Variants in BBS9 observed in about 807,000 individuals in gnomAD.
BBS9 encodes Bardet-Biedl syndrome 9.
BBS9 carries 89 observed loss-of-function variants against 117.7 expected under a neutral mutation model. That is an observed-to-expected ratio of 0.76 (90% CI 0.64 to 0.90). The LOEUF is 0.90. Ranked by LOEUF, BBS9 falls within the 40% of genes least tolerant of loss-of-function variation. BBS9 has a pLI of 0.00. For missense variants in BBS9, 982 were observed against 1,042.2 expected (o/e 0.94, Z 0.80); for synonymous variants, 379 against 370.9 (o/e 1.02, Z -0.25).
intron 9 of BBS9, among the ~76,000 whole-genome samples, chr7:33,289,710 G>A (rs944424828): frequency 1.3e-5 from 2 of 151,878 alleles, no homozygotes; most frequent in Non-Finnish European, 2.9e-5. Flanking sequence ...AAATTTTCTT[G>A]TAAATGGGTA....
intron 9 of BBS9, among the ~76,000 whole-genome samples, chr7:33,287,554 T>C (rs1441439774): frequency 6.6e-6 from 1 of 152,226 alleles, no homozygotes; most frequent in Non-Finnish European, 1.5e-5. Context: ...GGTTATCTGA[T>C]CAACAGAACC....
intron 19 of BBS9, among the ~76,000 whole-genome samples, chr7:33,403,400 G>A (rs1225684427): frequency 6.7e-6 from 1 of 149,564 alleles, no homozygotes; most frequent in Non-Finnish European, 1.5e-5. Flanking sequence ...GTGCCATGCT[G>A]GTGTGCTGCA....
intron 21 of BBS9, among the ~76,000 whole-genome samples, chr7:33,577,943 C>T (rs1302768273): frequency 2.0e-5 from 3 of 152,038 alleles, no homozygotes; most frequent in East Asian, 1.9e-4. Context: ...AGGAGAAATA[C>T]CTAATGTAAA....
intron 20 of BBS9, among the ~76,000 whole-genome samples, chr7:33,528,882 C>T (rs750215290): frequency 8.5e-5 from 13 of 152,202 alleles, no homozygotes; most frequent in East Asian, 1.9e-4. Context: ...TTACTTTGGT[C>T]GATACCCTAG....
intron 5 of BBS9, among the ~76,000 whole-genome samples, chr7:33,221,859 TAAA>T (rs1158111927): frequency 6.6e-6 from 1 of 152,040 alleles, no homozygotes; most frequent in African/African-American, 2.4e-5. Context: ...ATGAAATACT[TAAA>T]AAATCATATA....
chr7:33,274,994 C>CAAA (rs763041758), intron 9 of BBS9, among the ~76,000 whole-genome samples: 80 of 58,250 alleles, frequency 1.4e-3, no homozygotes, highest in East Asian at 2.3e-3. Flanking sequence ...GACTGTGTCT[C>CAAA]AAAAAAAAAA....
intron 9 of BBS9, among the ~76,000 whole-genome samples, chr7:33,307,378 A>C (rs1019276305): frequency 1.3e-5 from 2 of 152,188 alleles, no homozygotes; most frequent in African/African-American, 4.8e-5. Context: ...GTTATTATTG[A>C]TGGTTTATCA....
rs899223471 is a variant in BBS9, at chr7:33,441,405, T to A, written c.2115+53261T>A. ...ACTGAGGCGAGACGCTAGATTGATT[T>A]GCAAAAAATATTTAATATTCATTTT... On this transcript the variant is annotated intron_variant, in intron 19 of 22. Transcript: ENST00000242067. 5.3e-5 allele frequency among the ~76,000 whole-genome samples: 8 copies of A among 152,220 alleles called. No homozygotes were observed. The East Asian group carries it at 1.5e-3, about 29-fold the overall frequency.
intron 5 of BBS9, among the ~76,000 whole-genome samples, chr7:33,209,694 G>A (rs1787648647): frequency 1.3e-5 from 2 of 152,128 alleles, no homozygotes; most frequent in South Asian, 2.1e-4. Flanking sequence ...GTTGCTCATA[G>A]TACCTCCTAA....
At chr7:33,619,310 G>A (rs925466044) in intron 21 of BBS9, among the ~76,000 whole-genome samples, 3 of 152,072 alleles carry the variant, frequency 2.0e-5, no homozygotes, top group Non-Finnish European at 4.4e-5. Flanking sequence ...AAGGTATAAC[G>A]ATTGTAAATA....
At chr7:33,170,007 G>A (rs896393495) in intron 4 of BBS9, among the ~76,000 whole-genome samples, 10 of 152,122 alleles carry the variant, frequency 6.6e-5, no homozygotes, top group South Asian at 2.1e-4. Flanking sequence ...AATCACAGCC[G>A]AATTCTACCA....
At chr7:33,398,005 T>C (rs953762967) in intron 19 of BBS9, among the ~76,000 whole-genome samples, 1 of 151,916 alleles carries the variant, frequency 6.6e-6, no homozygotes, top group African/African-American at 2.4e-5. Flanking sequence ...AAAATAAAAA[T>C]TAAAAAAATT....
intron 21 of BBS9, among the ~76,000 whole-genome samples, chr7:33,618,891 A>G (rs1332595372): frequency 6.6e-6 from 1 of 152,140 alleles, no homozygotes; most frequent in Non-Finnish European, 1.5e-5. Flanking sequence ...AGAAAGAGAA[A>G]GAAAGCTTAC....
chr7:33,451,055 A>AT lies in BBS9; in HGVS notation c.2116-54402dup, dbSNP rs1476972207. Among the ~76,000 whole-genome samples the AT allele has an allele frequency of 1.2e-4, 18 of 151,562 alleles. No individual in the cohort carries two copies. The East Asian group carries it at 3.3e-3, about 28-fold the overall frequency. Reference sequence around the variant, plus strand: ...AGGCGCCCGCCACCATGCCCGGCTAATTTTTTGTATTTTTAGTAGAGACGG... The same window carrying AT: ...AGGCGCCCGCCACCATGCCCGGCTAATTTTTTTGTATTTTTAGTAGAGACGG... On this transcript the variant is annotated intron_variant, in intron 19 of 22. Coordinates refer to ENST00000242067, the MANE Select transcript of BBS9 (RefSeq NM_198428.3).
intron 19 of BBS9, among the ~76,000 whole-genome samples, chr7:33,432,372 G>A (rs945953385): frequency 4.0e-5 from 6 of 151,500 alleles, no homozygotes; most frequent in African/African-American, 1.5e-4. Flanking sequence ...GCCTCCCAAA[G>A]TGCTGGGATT....
chr7:33,364,948 C>G (rs533875009), intron 16 of BBS9, among the ~76,000 whole-genome samples: 2 of 151,834 alleles, frequency 1.3e-5, no homozygotes, highest in Non-Finnish European at 2.9e-5. Flanking sequence ...AGGCTGATCT[C>G]GAACTGCTGA....
chr7:33,633,267 A>G (rs966495081), intron 21 of BBS9, among the ~76,000 whole-genome samples: 1 of 151,972 alleles, frequency 6.6e-6, no homozygotes, highest in Non-Finnish European at 1.5e-5. Context: ...ATAGTTCTAT[A>G]TAGTTTGCTT....
At chr7:33,396,481 T>C (rs955597250) in intron 19 of BBS9, among the ~76,000 whole-genome samples, 1 of 152,162 alleles carries the variant, frequency 6.6e-6, no homozygotes, top group Non-Finnish European at 1.5e-5. Flanking sequence ...TGTATGTTTA[T>C]TTTAGATGAC....
Position 33,380,315 on chromosome 7 carries a change from C to T in BBS9, c.1790-3351C>T, listed in dbSNP as rs558525229. ...CTAAGGGTGGGCCCTGCAAGGCCCA[C>T]TGCCAACCTAAGAGCACCAGCAGTG... On this transcript the variant is annotated intron_variant, in intron 17 of 22. Coordinates refer to ENST00000242067, the MANE Select transcript of BBS9 (RefSeq NM_198428.3). 252 of 163,340 alleles carry T rather than the reference C, an allele frequency of 1.5e-3. 6 individuals carry two copies. The South Asian group carries it at 0.042, about 27-fold the overall frequency. The allele number at this position is 163,340 out of a possible 1,614,324, so 10.1% of individuals were successfully genotyped here. A position where few individuals can be genotyped will look rare whatever the true frequency, so the allele number is the denominator to read the frequency against.
Sources: gnomAD v4.1 joint callset for allele counts (sites outside exome capture counted in the v4.1 genomes callset) on GRCh38, gnomAD v4.1.1 for gene constraint, MANE v1.5 for transcripts, NCBI Gene and HGNC (gene_info 2026-07-23, HGNC 2026-07-21) for gene names.